Variants in BDP1 observed in about 807,000 individuals in gnomAD.
The protein encoded by BDP1 is transcription factor TFIIIB component B'' homolog.
Under a neutral mutation model 266.6 loss-of-function variants are expected in BDP1, and 169 were observed. The observed-to-expected ratio is 0.63, with a 90% CI of 0.56 to 0.72. The LOEUF is 0.72. Among genes scored for constraint, BDP1 ranks in the 30% least tolerant of loss-of-function variants. BDP1 has a pLI of 0.00. For synonymous variants in BDP1, 1,090 were observed against 1,022.4 expected (o/e 1.07, Z -1.26); for missense variants, 3,015 against 3,053.8 (o/e 0.99, Z 0.30).
At chr5:71,488,359 C>T (rs938687576) in intron 9 of BDP1, among the ~76,000 whole-genome samples, 1 of 151,846 alleles carries the variant, frequency 6.6e-6, no homozygotes, top group African/African-American at 2.4e-5. Flanking sequence ...AACCCCTGAC[C>T]TCAAATGATC....
chr5:71,559,621 C>T (rs1743483334), intron 36 of BDP1, among the ~76,000 whole-genome samples: 1 of 152,182 alleles, frequency 6.6e-6, no homozygotes, highest in African/African-American at 2.4e-5. Context: ...ACCACAGGTA[C>T]TTGAGTTACC....
At chr5:71,487,758 A>T (rs1027318230) in intron 9 of BDP1, among the ~76,000 whole-genome samples, 16 of 152,162 alleles carry the variant, frequency 1.1e-4, no homozygotes, top group Non-Finnish European at 1.2e-4. Flanking sequence ...AAAATTTCGG[A>T]TTTTCAAAAG....
At position 71,502,592 on chromosome 5, in the gene BDP1, G is replaced by T. The variant is rs777032642; in HGVS notation, c.2049-7G>T. On this transcript the variant is annotated splice_region_variant and splice_polypyrimidine_tract_variant and intron_variant, in intron 14 of 38. Coordinates refer to ENST00000358731, the MANE Select transcript of BDP1 (RefSeq NM_018429.3). ...TAAACATTAATTTTATTTCTTTGTG[G>T]TTCTAGTTTGGGTGAAAAAAATTGT... is the stretch of plus-strand genomic sequence containing the variant. 6 of 1,583,086 alleles carry T rather than the reference G, an allele frequency of 3.8e-6. No homozygotes were observed. In the African/African-American group the frequency reaches 8.2e-5, roughly 22 times the overall value.
chr5:71,523,796 C>T, intron 24 of BDP1, 143 bp from the exon 25 acceptor site: 2 of 775,184 alleles, frequency 2.6e-6, no homozygotes, highest in African/African-American at 1.7e-5. Context: ...TTTTTATTTT[C>T]ACAGCATAAG....
At chr5:71,570,109 A>G (rs1276728912), downstream of BDP1, among the ~76,000 whole-genome samples, 1 of 152,182 alleles carries the variant, frequency 6.6e-6, no homozygotes, top group Non-Finnish European at 1.5e-5. Context: ...TAATTACAGG[A>G]TGGGCTCCTG....
chr5:71,509,352 A>AT (rs1764761596), intron 16 of BDP1, 113 bp from the exon 17 acceptor site: 17 of 1,246,630 alleles, frequency 1.4e-5, no homozygotes, highest in Non-Finnish European at 1.8e-5. Context: ...GCCTTCCTTA[A>AT]TTTTTTTGAA....
intron 7 of BDP1, among the ~76,000 whole-genome samples, chr5:71,474,991 A>G (rs1762498325): frequency 6.6e-6 from 1 of 152,134 alleles, no homozygotes; most frequent in South Asian, 2.1e-4. Flanking sequence ...CATAACACTA[A>G]TTACTTGCCA....
rs923605625 is a variant in BDP1 at position 71,455,671 on chromosome 5, G to C, written c.-207G>C. Reference sequence around the variant, plus strand: ...GGGAGGAGGGTGAAATTTAGCCATCGGTGTGTGGCAGGGTCATGAAAAAGC... The same window carrying C: ...GGGAGGAGGGTGAAATTTAGCCATCCGTGTGTGGCAGGGTCATGAAAAAGC... On this transcript the variant is annotated 5_prime_UTR_variant, in exon 1 of 39. Coordinates refer to ENST00000358731, the MANE Select transcript of BDP1 (RefSeq NM_018429.3). 7 of 586,898 alleles carry C rather than the reference G, an allele frequency of 1.2e-5. No individual in the cohort carries two copies. Among genetic ancestry groups the C allele is most frequent in the Non-Finnish European group, 1.5e-5 (5 of 330,030 alleles). 36.4% of individuals were successfully genotyped at this position (586,898 alleles called of 1,614,324 possible).
intron 19 of BDP1, 127 bp downstream of exon 19, chr5:71,513,534 A>G (rs1233565789): frequency 1.5e-6 from 1 of 659,020 alleles, no homozygotes; most frequent in African/African-American, 1.8e-5. Flanking sequence ...TGCATGTGAT[A>G]TTGCTCCCAT....
intron 22 of BDP1, among the ~76,000 whole-genome samples, chr5:71,521,182 C>T (rs1459212450): frequency 1.1e-4 from 16 of 142,850 alleles, no homozygotes; most frequent in South Asian, 6.6e-4. Flanking sequence ...AGCGAAACTC[C>T]GTCTCAAAAA....
Position 71,564,808 on chromosome 5 carries a change from G to A in BDP1, c.7798G>A (p.Ala2600Thr), listed in dbSNP as rs765371793. The A allele has an allele frequency of 6.2e-7, 1 of 1,611,500 alleles. No homozygotes were observed. Residue 2600 changes from alanine to threonine, a missense_variant, in exon 39 of 39, where the codon GCC becomes ACC. Coordinates refer to ENST00000358731, the MANE Select transcript of BDP1 (RefSeq NM_018429.3). ...AGGATATAAAAGTGCCCAAAAGCGG[G>A]CCCCTCAAGGGGAGGCAACCACAGT... The part of the protein sequence containing the change: ...KEGYKSAQKR[A>T]PQGEATTVSE...
chr5:71,524,918 A>G (rs1318809633), intron 25 of BDP1, among the ~76,000 whole-genome samples: 3 of 151,486 alleles, frequency 2.0e-5, no homozygotes, highest in African/African-American at 7.3e-5. Flanking sequence ...CTGAGTGGAC[A>G]CAGCACATGT....
chr5:71,564,103 T>G (rs1223022908), intron 38 of BDP1, among the ~76,000 whole-genome samples: 4 of 152,194 alleles, frequency 2.6e-5, no homozygotes, highest in Non-Finnish European at 5.9e-5. Flanking sequence ...TCCAACATCA[T>G]TTATTTAATA....
rs1763287259 is a variant in BDP1, at chr5:71,486,733, C to G, written c.1213+106C>G. On this transcript the variant is annotated intron_variant, in intron 9 of 38. Transcript: ENST00000358731. ...CATGTGTAGCTCAGGTAGTTAAGAT[C>G]ATCAAAGCATCCAGTTGGAGGGAGT... 5.8e-6 allele frequency: 5 copies of G among 867,502 alleles called. No individual in the cohort carries two copies. In the East Asian group the frequency reaches 1.5e-4, roughly 26 times the overall value. 53.7% of individuals were successfully genotyped at this position (867,502 alleles called of 1,614,324 possible). A position where few individuals can be genotyped will look rare whatever the true frequency, so the allele number is the denominator to read the frequency against.
rs1458501722 is a variant in BDP1, at chr5:71,567,375, G to A, written c.*2490G>A. The stretch of plus-strand genomic sequence containing the variant: ...TAGAGAATCAAGTCAGCCAGCTAAA[G>A]TATCCTACTGTTAAATCCTTAAACC... On this transcript the variant is annotated 3_prime_UTR_variant, in exon 39 of 39. Coordinates refer to ENST00000358731, the MANE Select transcript of BDP1 (RefSeq NM_018429.3). 6.6e-6 allele frequency: 1 copy of A among 152,154 alleles called. No homozygotes were observed. Among genetic ancestry groups the A allele is most frequent in the Non-Finnish European group, 1.5e-5 (1 of 68,032 alleles). The allele number at this position is 152,154 out of a possible 1,614,324, so 9.4% of individuals were successfully genotyped here.
intron 2 of BDP1, among the ~76,000 whole-genome samples, chr5:71,459,128 C>T (rs1761381728): frequency 1.3e-5 from 2 of 152,176 alleles, no homozygotes; most frequent in Admixed American, 6.5e-5. Flanking sequence ...CACATAGATG[C>T]ACATACACAA....
Position 71,539,663 on chromosome 5 carries a change from C to A in BDP1, c.6022+14C>A. The stretch of plus-strand genomic sequence containing the variant: ...AACAGGGTGATGGTAAGAATGAAAG[C>A]TAAGTCCTATCAAAAATAGAAACTT... On this transcript the variant is annotated intron_variant, in intron 28 of 38. Transcript: ENST00000358731. The A allele has an allele frequency of 1.3e-6, 2 of 1,550,404 alleles. No homozygotes were observed. The highest frequency in any genetic ancestry group is 1.8e-6 in the Non-Finnish European group (2 of 1,135,348).
the BDP1 span, among the ~76,000 whole-genome samples, chr5:71,576,908 GCCA>G: frequency 0.44 from 67,159 of 151,684 alleles, 15,220 homozygotes; most frequent in South Asian, 0.55. Context: ...CATCTGGGTT[GCCA>G]TAATACTATC....
Position 71,524,123 on chromosome 5 carries a change from C to A in BDP1, c.5572C>A (p.Pro1858Thr). The change falls in exon 25 of 39, where the codon CCT becomes ACT. Residue 1858 changes from proline (P) to threonine (T), a missense_variant. This residue lies in a region of BDP1 where 2,383 missense variants were observed against 2,404.9 expected (regional missense o/e 0.99). Coordinates refer to ENST00000358731, the MANE Select transcript of BDP1 (RefSeq NM_018429.3). The part of the protein sequence containing the change: ...RVRGKTSKKE[P>T]RASKAMLVTL... ...TCGGGGTAAGACCTCTAAGAAGGAA[C>A]CTAGAGCTTCCAAGGCCATGCTGGT... The A allele has an allele frequency of 6.2e-7, 1 of 1,614,158 alleles. No individual in the cohort carries two copies. Among genetic ancestry groups the A allele is most frequent in the South Asian group, 1.1e-5 (1 of 91,084 alleles).
Sources: allele counts gnomAD v4.1 joint callset (sites outside exome capture counted in the v4.1 genomes callset), GRCh38; gene constraint gnomAD v4.1.1; regional missense constraint gnomAD v4.1.1; transcripts MANE v1.5; gene names NCBI Gene and HGNC (gene_info 2026-07-23, HGNC 2026-07-21).